Variants in UNC5D observed in about 807,000 individuals in gnomAD.
The protein encoded by UNC5D is unc-5 netrin receptor D.
A neutral mutation model predicts 105.4 loss-of-function variants in UNC5D; 39 were observed. That is an observed-to-expected ratio of 0.37 (90% CI 0.29 to 0.48). The LOEUF (loss-of-function observed/expected upper bound fraction) is 0.48, where lower values mean the gene tolerates loss of function less well. Among genes scored for constraint, UNC5D ranks in the 20% least tolerant of loss-of-function variants. The pLI is 0.98. For synonymous variants in UNC5D, 452 were observed against 450.4 expected, an observed-to-expected ratio of 1.00 and a Z score of -0.04; for missense variants, 991 against 1,202.4, an observed-to-expected ratio of 0.82 and a Z score of 2.60.
At chr8:35,459,838 A>G (rs1469427017) in intron 1 of UNC5D, among the ~76,000 whole-genome samples, 1 of 152,106 alleles carries the variant, frequency 6.6e-6, no homozygotes, top group African/African-American at 2.4e-5. Context: ...ATATATTTTT[A>G]GCTTGATTTT....
chr8:35,640,614 A>G (rs1399504712), intron 4 of UNC5D, among the ~76,000 whole-genome samples: 1 of 152,166 alleles, frequency 6.6e-6, no homozygotes, highest in Non-Finnish European at 1.5e-5. Flanking sequence ...GAGAAAGGTA[A>G]TCTAGCAGGA....
At chr8:35,315,320 G>C (rs1301238165) in intron 1 of UNC5D, among the ~76,000 whole-genome samples, 1 of 152,150 alleles carries the variant, frequency 6.6e-6, no homozygotes, top group East Asian at 1.9e-4. Flanking sequence ...CTATGGGGCA[G>C]GCTTGGGTCA....
chr8:35,663,098 G>A (rs1404297382), intron 4 of UNC5D, among the ~76,000 whole-genome samples: 1 of 152,138 alleles, frequency 6.6e-6, no homozygotes, highest in African/African-American at 2.4e-5. Context: ...AGTCCATGGT[G>A]CCAAAAAGGT....
intron 1 of UNC5D, among the ~76,000 whole-genome samples, chr8:35,457,530 C>T (rs559676543): frequency 6.6e-6 from 1 of 152,162 alleles, no homozygotes; most frequent in Admixed American, 6.5e-5. Context: ...GTGATAAAAC[C>T]AAGTGTTTAC....
intron 4 of UNC5D, among the ~76,000 whole-genome samples, chr8:35,632,919 G>A (rs1822130173): frequency 6.6e-6 from 1 of 152,154 alleles, no homozygotes; most frequent in South Asian, 2.1e-4. Context: ...CACCTCCCTT[G>A]TTTCTGCAAA....
At chr8:35,454,198 G>A (rs1188411712) in intron 1 of UNC5D, among the ~76,000 whole-genome samples, 1 of 152,000 alleles carries the variant, frequency 6.6e-6, no homozygotes, top group African/African-American at 2.4e-5. Context: ...TTGCAATAAG[G>A]GTTCTCAAAC....
At chr8:35,648,303 G>T (rs1009935126) in intron 4 of UNC5D, among the ~76,000 whole-genome samples, 1 of 152,090 alleles carries the variant, frequency 6.6e-6, no homozygotes, top group Non-Finnish European at 1.5e-5. Flanking sequence ...TTCATTTTAT[G>T]ATTGTTAACA....
At chr8:35,653,238 T>C (rs1823537123) in intron 4 of UNC5D, among the ~76,000 whole-genome samples, 1 of 152,124 alleles carries the variant, frequency 6.6e-6, no homozygotes, top group African/African-American at 2.4e-5. Context: ...GAGGATATCT[T>C]TTTATTTGTC....
At chr8:35,549,555 G>A (rs761778455) in intron 2 of UNC5D, 45 bp downstream of exon 2, 2 of 1,563,290 alleles carry the variant, frequency 1.3e-6, no homozygotes, top group East Asian at 4.6e-5. Flanking sequence ...GACTCTTTAG[G>A]TTCTCCTGTG....
intron 1 of UNC5D, among the ~76,000 whole-genome samples, chr8:35,523,449 G>A (rs1487915722): frequency 1.3e-5 from 2 of 152,008 alleles, no homozygotes; most frequent in East Asian, 3.9e-4. Flanking sequence ...AGATACCCTG[G>A]TATAAGTAGA....
intron 1 of UNC5D, chr8:35,525,486 G>A (rs1813802040): frequency 6.2e-7 from 1 of 1,612,132 alleles, no homozygotes; most frequent in African/African-American, 1.3e-5. Context: ...CTCCTTCTCT[G>A]TCCGTGCTTT....
At chr8:35,509,156 A>G (rs993256029) in intron 1 of UNC5D, among the ~76,000 whole-genome samples, 1 of 152,068 alleles carries the variant, frequency 6.6e-6, no homozygotes, top group Non-Finnish European at 1.5e-5. Flanking sequence ...GTCATAGAAT[A>G]AAGGTCTGTA....
chr8:35,551,381 T>G (rs182371900), intron 2 of UNC5D, among the ~76,000 whole-genome samples: 241 of 152,290 alleles, frequency 1.6e-3, no homozygotes, highest in African/African-American at 5.7e-3. Flanking sequence ...AGAGTAGATT[T>G]GAGAATCATT....
At chr8:35,300,782 A>C (rs1328690377) in intron 1 of UNC5D, among the ~76,000 whole-genome samples, 3 of 152,184 alleles carry the variant, frequency 2.0e-5, no homozygotes, top group Non-Finnish European at 4.4e-5. Flanking sequence ...TCTTGGATTG[A>C]GGAAATAGTA....
intron 1 of UNC5D, among the ~76,000 whole-genome samples, chr8:35,501,402 AG>A (rs1376837644): frequency 6.6e-6 from 1 of 152,214 alleles, no homozygotes; most frequent in Non-Finnish European, 1.5e-5. Context: ...GGCCGGGGAA[AG>A]AAAGCTTTCA....
chr8:35,371,869 A>C (rs1033323519), intron 1 of UNC5D, among the ~76,000 whole-genome samples: 1 of 152,132 alleles, frequency 6.6e-6, no homozygotes, highest in Non-Finnish European at 1.5e-5. Context: ...CCTTCCTCTT[A>C]ATTAGGGCCT....
intron 1 of UNC5D, among the ~76,000 whole-genome samples, chr8:35,467,611 T>C (rs976081785): frequency 2.6e-5 from 4 of 151,124 alleles, no homozygotes; most frequent in Non-Finnish European, 5.9e-5. Flanking sequence ...ATCAGACTTG[T>C]TTGAGTAACC....
At chr8:35,580,716 T>TA (rs1186936927) in intron 3 of UNC5D, among the ~76,000 whole-genome samples, 1 of 152,130 alleles carries the variant, frequency 6.6e-6, no homozygotes, top group East Asian at 1.9e-4. Context: ...CAAAACAATG[T>TA]AATGAGCCAG....
chr8:35,384,700 A>G (rs1354577807), intron 1 of UNC5D, among the ~76,000 whole-genome samples: 4 of 152,264 alleles, frequency 2.6e-5, no homozygotes, highest in Non-Finnish European at 5.9e-5. Flanking sequence ...CCGATTAATT[A>G]GCAGGTAAAA....
Sources: allele counts gnomAD v4.1 joint callset (sites outside exome capture counted in the v4.1 genomes callset), GRCh38; gene constraint gnomAD v4.1.1; transcripts MANE v1.5; gene names NCBI Gene and HGNC (gene_info 2026-07-23, HGNC 2026-07-21).